The following CDCP2 variants were observed in gnomAD, a reference collection of about 807,000 sequenced individuals.
CDCP2 encodes the protein CUB domain containing protein 2, also known as CUB domain-containing protein 2.
In CDCP2, 31 loss-of-function variants were observed where a neutral mutation model predicts 31.0. That is an observed-to-expected ratio of 1.00 (90% confidence interval 0.75 to 1.35). CDCP2 has a LOEUF of 1.35. CDCP2 is among the 40% of genes most tolerant of loss of function. CDCP2 has a pLI of 0.00. For synonymous variants in CDCP2, 206 were observed against 207.9 expected (o/e 0.99, Z 0.08); for missense variants, 443 against 482.6 (o/e 0.92, Z 0.77).
chr1:54,151,850 G>A (rs183134917), intron 1 of CDCP2, among the ~76,000 whole-genome samples: 217 of 152,328 alleles, frequency 1.4e-3, no homozygotes, highest in African/African-American at 5.1e-3. Context: ...GGTTGATGGA[G>A]GATGTGGAAG....
chr1:54,140,946 G>T, intron 3 of CDCP2, 152 bp downstream of exon 3: 2 of 592,364 alleles, frequency 3.4e-6, no homozygotes, highest in Non-Finnish European at 5.6e-6. Flanking sequence ...TCTTGGCATA[G>T]GCCAAGGGTA....
intron 1 of CDCP2, among the ~76,000 whole-genome samples, chr1:54,151,371 C>A (rs1659580867): frequency 6.6e-6 from 1 of 152,192 alleles, no homozygotes. Flanking sequence ...GGCAAAAGGA[C>A]AAATAGATAT....
intron 1 of CDCP2, 100 bp from the exon 2 acceptor site, chr1:54,144,913 G>C (rs924929014): frequency 7.4e-5 from 60 of 815,170 alleles, no homozygotes; most frequent in Middle Eastern, 2.3e-4. Context: ...TCTTGGGATG[G>C]GATGAGGGAA....
chr1:54,139,564 G>A, intron 4 of CDCP2, 189 bp downstream of exon 4: 1 of 1,613,736 alleles, frequency 6.2e-7, no homozygotes, highest in African/African-American at 1.3e-5. Flanking sequence ...AAACAAGCGG[G>A]AGCCGTACCG....
chr1:54,142,776 A>G (rs985487858), intron 2 of CDCP2: 1 of 152,192 alleles, frequency 6.6e-6, no homozygotes, highest in African/African-American at 2.4e-5. Context: ...ATCCCTTCCA[A>G]CACTAACAAC....
At chr1:54,145,825 T>G (rs146268541) in intron 1 of CDCP2, among the ~76,000 whole-genome samples, 1 of 152,194 alleles carries the variant, frequency 6.6e-6, no homozygotes, top group Non-Finnish European at 1.5e-5. Context: ...TAATTTTCAC[T>G]GTGTAAGCAT....
At chr1:54,148,019 A>T (rs1168743867) in intron 1 of CDCP2, among the ~76,000 whole-genome samples, 4 of 149,100 alleles carry the variant, frequency 2.7e-5, no homozygotes, top group Non-Finnish European at 5.9e-5. Context: ...CTCAAAATTT[A>T]AAAAAAAAAA....
chr1:54,152,994 AAG>A, upstream of CDCP2: 1 of 1,436,570 alleles, frequency 7.0e-7, no homozygotes, highest in Non-Finnish European at 9.8e-7. Context: ...GAGCAAGGGA[AAG>A]AGAGGTGAGG....
chr1:54,139,417 AT>A, intron 4 of CDCP2: 1 of 908,714 alleles, frequency 1.1e-6, no homozygotes, highest in South Asian at 1.8e-5. Flanking sequence ...ATATTACCAT[AT>A]TTTGTCTATT....
intron 5 of CDCP2, among the ~76,000 whole-genome samples, chr1:54,133,913 C>A (rs541212702): frequency 5.5e-4 from 80 of 144,888 alleles, no homozygotes; most frequent in African/African-American, 1.9e-3. Context: ...AACAAACAAA[C>A]AAAAAAAACC....
At chr1:54,133,626 G>C (rs924823580) in intron 5 of CDCP2, among the ~76,000 whole-genome samples, 1 of 152,228 alleles carries the variant, frequency 6.6e-6, no homozygotes, top group Non-Finnish European at 1.5e-5. Context: ...GCCGGGTGCG[G>C]TGGCTCACGC....
intron 3 of CDCP2, 27 bp from the exon 4 acceptor site, chr1:54,140,133 G>A: frequency 6.3e-7 from 1 of 1,597,988 alleles, no homozygotes; most frequent in African/African-American, 1.3e-5. Context: ...GAGGTGGAAG[G>A]AGCAACAGTG....
intron 5 of CDCP2, among the ~76,000 whole-genome samples, chr1:54,133,913 C>CAAACAACAAAAA (rs748829165): frequency 6.9e-6 from 1 of 144,790 alleles, no homozygotes; most frequent in African/African-American, 2.6e-5. Context: ...AACAAACAAA[C>CAAACAACAAAAA]AAAAAAAACC....
chr1:54,145,187 G>A (rs1659442726), intron 1 of CDCP2, among the ~76,000 whole-genome samples: 1 of 152,162 alleles, frequency 6.6e-6, no homozygotes, highest in Non-Finnish European at 1.5e-5. Flanking sequence ...CAGCACTTTG[G>A]GAGGCAGAAG....
Position 54,152,801 on chromosome 1 carries a change from C to T in CDCP2, c.79+43G>A, listed in dbSNP as rs768310116. 1.9e-5 allele frequency: 30 copies of T among 1,568,520 alleles called. No individual in the cohort carries two copies. The African/African-American group carries it at 3.5e-4, about 18-fold the overall frequency. On this transcript the variant is annotated intron_variant, in intron 1 of 5. Coordinates refer to ENST00000530059, the Ensembl canonical transcript of CDCP2. ...TGAGCCCCTGGCTGTTGCCTGCCCA[C>T]CTCCTTCCCCTCTCAGTTCATGTCT...
chr1:54,142,578 C>G (rs680509), intron 2 of CDCP2: 1 of 152,168 alleles, frequency 6.6e-6, no homozygotes, highest in Non-Finnish European at 1.5e-5. Flanking sequence ...GGAGGACATA[C>G]GTGGGATGTG....
In CDCP2 at chr1:54,146,437, C is replaced by T. The variant is rs1414415286; in HGVS notation, c.80-1624G>A. On this transcript the variant is annotated intron_variant, in intron 1 of 5. Transcript: ENST00000530059. ...TCAAGTTATCCGCCTGCCTTGGCCT[C>T]CCGAAGTGCTGGGATTATAGGCATG... 3.3e-5 allele frequency among the ~76,000 whole-genome samples: 5 copies of T among 151,994 alleles called. No individual in the cohort carries two copies. The East Asian group carries it at 9.6e-4, about 29-fold the overall frequency.
Position 54,141,081 on chromosome 1 carries a change from G to A in CDCP2, c.763+17C>T, listed in dbSNP as rs1249126512. The A allele has an allele frequency of 2.0e-6, 3 of 1,514,700 alleles. No homozygotes were observed. Among genetic ancestry groups the A allele is most frequent in the African/African-American group, 2.8e-5 (2 of 71,776 alleles). 93.8% of individuals were successfully genotyped at this position (1,514,700 alleles called of 1,614,324 possible). ...TAGGCACAGGAGGATTCAGGGTGGA[G>A]CGCCAGCCCCTCCTACCTGAGAAGT... On this transcript the variant is annotated intron_variant, in intron 3 of 5. Transcript: ENST00000530059.
intron 4 of CDCP2, chr1:54,139,459 C>A (rs781555129): frequency 3.7e-6 from 5 of 1,367,692 alleles, no homozygotes; most frequent in Non-Finnish European, 5.0e-6. Flanking sequence ...AATAACAACA[C>A]AAGAGGGGCC....
Sources: allele counts gnomAD v4.1 joint callset (sites outside exome capture counted in the v4.1 genomes callset), GRCh38; gene constraint gnomAD v4.1.1; transcripts MANE v1.5; gene names NCBI Gene and HGNC (gene_info 2026-07-23, HGNC 2026-07-21).